The following ATP10B variants were observed in gnomAD, a reference collection of about 807,000 sequenced individuals.
ATP10B encodes phospholipid-transporting ATPase VB.
In ATP10B, 122 loss-of-function variants were observed where a neutral mutation model predicts 141.2. The ratio of observed to expected loss-of-function variants is 0.86; its 90% CI spans 0.75 to 1.00. The LOEUF (loss-of-function observed/expected upper bound fraction) is 1.00, where lower values mean the gene tolerates loss of function less well. ATP10B is among the 50% of genes least tolerant of loss of function. ATP10B has a pLI of 0.00. For missense variants in ATP10B, 1,876 were observed against 1,825.3 expected, an observed-to-expected ratio of 1.03 and a Z score of -0.51; for synonymous variants, 685 against 692.0, an observed-to-expected ratio of 0.99 and a Z score of 0.16.
upstream of ATP10B, among the ~76,000 whole-genome samples, chr5:160,854,837 C>CT (rs1290247555): frequency 1.3e-5 from 2 of 152,154 alleles, no homozygotes; most frequent in Non-Finnish European, 2.9e-5. Flanking sequence ...GCTCTACATA[C>CT]TTTGACTCAT....
chr5:160,622,775 C>T (rs541611489), intron 13 of ATP10B, among the ~76,000 whole-genome samples, 190 bp from the exon 14 acceptor site: 3 of 152,294 alleles, frequency 2.0e-5, no homozygotes, highest in Admixed American at 2.0e-4. Context: ...GCCACATGTC[C>T]ATCCATTACC....
At chr5:160,894,201 A>C in the ATP10B span, among the ~76,000 whole-genome samples, 2 of 152,098 alleles carry the variant, frequency 1.3e-5, no homozygotes, top group Non-Finnish European at 2.9e-5. Context: ...AATGAGTTTG[A>C]TGAATGAGCC....
At chr5:160,589,211 C>T (rs779381132) in intron 24 of ATP10B, among the ~76,000 whole-genome samples, 7 of 152,100 alleles carry the variant, frequency 4.6e-5, no homozygotes, top group Non-Finnish European at 8.8e-5. Flanking sequence ...GGGATTTCAC[C>T]ATCTTGGCCA....
At chr5:160,701,454 G>C (rs1264482518) in intron 3 of ATP10B, among the ~76,000 whole-genome samples, 1 of 152,142 alleles carries the variant, frequency 6.6e-6, no homozygotes, top group Non-Finnish European at 1.5e-5. Flanking sequence ...TTATGATTGA[G>C]GGGCTATGTG....
chr5:160,896,543 C>T, the ATP10B span, among the ~76,000 whole-genome samples: 2 of 152,062 alleles, frequency 1.3e-5, no homozygotes, highest in Non-Finnish European at 2.9e-5. Flanking sequence ...GAAATTGAGG[C>T]AGTAATTATT....
intron 2 of ATP10B, among the ~76,000 whole-genome samples, chr5:160,720,462 T>C (rs1313100138): frequency 6.6e-6 from 1 of 152,222 alleles, no homozygotes; most frequent in Non-Finnish European, 1.5e-5. Flanking sequence ...TTTTCTTTGC[T>C]CCAGGGTCCT....
chr5:160,792,553 T>C (rs1461920368), intron 1 of ATP10B, among the ~76,000 whole-genome samples: 1 of 152,100 alleles, frequency 6.6e-6, no homozygotes, highest in Non-Finnish European at 1.5e-5. Flanking sequence ...TTTCCCCCAC[T>C]TCTTTTCTCT....
At chr5:160,788,073 T>G (rs1000354150) in intron 1 of ATP10B, among the ~76,000 whole-genome samples, 2 of 152,178 alleles carry the variant, frequency 1.3e-5, no homozygotes, top group African/African-American at 4.8e-5. Flanking sequence ...TTTTATTTGT[T>G]ACATTCCCCT....
At position 160,632,183 on chromosome 5, in the gene ATP10B, C is replaced by A. The variant is rs1369010168; in HGVS notation, c.1566G>T (p.Arg522Ser). The A allele has an allele frequency of 4.3e-6, 7 of 1,614,206 alleles. No individual in the cohort carries two copies. Among genetic ancestry groups the A allele is most frequent in the East Asian group, 2.2e-5 (1 of 44,884 alleles). The change falls in exon 13 of 26, where the codon AGG becomes AGT. Residue 522 changes from arginine (R) to serine (S), a missense_variant. Arg to Ser is a moderately radical substitution (Grantham distance 110, BLOSUM62 -1). Transcript: ENST00000327245. ...RVPIQGHYRQ[R>S]SMGHRESSQP... Reference sequence around the variant, plus strand: ...GTGAGCTTTCACGGTGCCCCATAGACCTTTGCCGGTAGTGGCCCTGGATGG... The same window carrying A: ...GTGAGCTTTCACGGTGCCCCATAGAACTTTGCCGGTAGTGGCCCTGGATGG...
chr5:160,657,100 G>A (rs1015240637), intron 7 of ATP10B, among the ~76,000 whole-genome samples: 1 of 152,162 alleles, frequency 6.6e-6, no homozygotes, highest in African/African-American at 2.4e-5. Context: ...AGGGGTTACA[G>A]GGTAGGCAAA....
Position 160,762,295 on chromosome 5 carries a change from A to G in ATP10B, c.-331+23264T>C, listed in dbSNP as rs543149149. Among the ~76,000 whole-genome samples, 11 of 152,326 alleles carry G rather than the reference A, an allele frequency of 7.2e-5. No individual in the cohort carries two copies. In the South Asian group the frequency reaches 1.7e-3, roughly 23 times the overall value. Reference sequence around the variant, plus strand: ...ATCTAAAGTCAGGATGAAGGAAAGAATCTTAACAGCTGTGAGACAAAAGCA... The same window carrying G: ...ATCTAAAGTCAGGATGAAGGAAAGAGTCTTAACAGCTGTGAGACAAAAGCA... On this transcript the variant is annotated intron_variant, in intron 2 of 25. Transcript: ENST00000327245.
intron 2 of ATP10B, among the ~76,000 whole-genome samples, chr5:160,742,998 A>C (rs1415778629): frequency 6.6e-6 from 1 of 152,250 alleles, no homozygotes; most frequent in African/African-American, 2.4e-5. Context: ...AAAAATCATT[A>C]TAATCGCAAA....
At chr5:160,689,275 TG>T (rs1277634893) in intron 3 of ATP10B, among the ~76,000 whole-genome samples, 1 of 152,176 alleles carries the variant, frequency 6.6e-6, no homozygotes, top group Non-Finnish European at 1.5e-5. Context: ...AATATCATAC[TG>T]AATGGAAAAA....
chr5:160,678,425 G>A lies in ATP10B; in HGVS notation c.470+7654C>T, dbSNP rs184193979. On this transcript the variant is annotated intron_variant, in intron 6 of 25. Coordinates refer to ENST00000327245, the MANE Select transcript of ATP10B (RefSeq NM_025153.3). ...CATAATACCAGCACTTTGGGAGACC[G>A]AAGTGGGAGGACCACTTGAGGCCAG... 3.2e-3 allele frequency among the ~76,000 whole-genome samples: 489 copies of A among 152,310 alleles called. 4 individuals carry two copies. The highest frequency in any genetic ancestry group is 0.011 in the African/African-American group (441 of 41,580).
intron 6 of ATP10B, among the ~76,000 whole-genome samples, chr5:160,675,988 G>A (rs925395124): frequency 3.9e-5 from 6 of 152,284 alleles, no homozygotes; most frequent in African/African-American, 1.2e-4. Flanking sequence ...GGATTAGGGT[G>A]GGAGGACTGA....
the ATP10B span, among the ~76,000 whole-genome samples, chr5:160,874,892 C>G: frequency 6.9e-6 from 1 of 144,670 alleles, no homozygotes; most frequent in African/African-American, 2.6e-5. Context: ...TGTGAAAAGA[C>G]CAAATCTACA....
chr5:160,666,645 G>A (rs986606624), intron 7 of ATP10B, among the ~76,000 whole-genome samples: 3 of 152,116 alleles, frequency 2.0e-5, no homozygotes. Context: ...CAATACGTTA[G>A]GGAAATCCTA....
chr5:160,913,866 C>T, the ATP10B span, among the ~76,000 whole-genome samples: 7 of 152,266 alleles, frequency 4.6e-5, no homozygotes, highest in East Asian at 1.2e-3. Context: ...TCCTGAAACT[C>T]GGTCCCTTTG....
chr5:160,755,838 A>AT (rs1336419143), intron 2 of ATP10B, among the ~76,000 whole-genome samples: 15 of 45,396 alleles, frequency 3.3e-4, no homozygotes, highest in Admixed American at 4.1e-4. Flanking sequence ...AAAAAAAAAA[A>AT]ATATATATAT....
Sources: gnomAD v4.1 joint callset for allele counts (sites outside exome capture counted in the v4.1 genomes callset) on GRCh38, gnomAD v4.1.1 for gene constraint, MANE v1.5 for transcripts, NCBI Gene and HGNC (gene_info 2026-07-23, HGNC 2026-07-21) for gene names.